THSD4: variants seen among roughly 807,000 people sequenced by gnomAD.
THSD4 encodes the protein thrombospondin type 1 domain containing 4, also known as thrombospondin type-1 domain-containing protein 4.
In THSD4, 69 loss-of-function variants were observed where a neutral mutation model predicts 119.0. That is an observed-to-expected ratio of 0.58 (90% confidence interval 0.48 to 0.71). The LOEUF is 0.71. Ranked by LOEUF, THSD4 falls within the 30% of genes least tolerant of loss-of-function variation. The pLI, the probability that THSD4 is intolerant of heterozygous loss-of-function variation, is 0.00. For missense variants in THSD4, 1,393 were observed against 1,391.1 expected (o/e 1.00, Z -0.02); for synonymous variants, 524 against 540.4 (o/e 0.97, Z 0.42).
chr15:71,402,326 T>A (rs1318882484), intron 6 of THSD4, among the ~76,000 whole-genome samples: 1 of 152,160 alleles, frequency 6.6e-6, no homozygotes, highest in Non-Finnish European at 1.5e-5. Flanking sequence ...CCTCTCAATA[T>A]AATTATTGTA....
intron 7 of THSD4, among the ~76,000 whole-genome samples, chr15:71,542,048 A>T (rs2048767232): frequency 6.6e-6 from 1 of 152,238 alleles, no homozygotes; most frequent in South Asian, 2.1e-4. Flanking sequence ...GGAGCAGAGG[A>T]GTAAAAATAA....
chr15:71,452,633 G>C (rs2047281864), intron 7 of THSD4, among the ~76,000 whole-genome samples: 1 of 151,332 alleles, frequency 6.6e-6, no homozygotes, highest in African/African-American at 2.4e-5. Flanking sequence ...ATATTTTTTT[G>C]AGACGGAGTT....
intron 7 of THSD4, among the ~76,000 whole-genome samples, chr15:71,427,763 T>C (rs1184454358): frequency 2.6e-5 from 4 of 151,784 alleles, no homozygotes; most frequent in South Asian, 2.1e-4. Context: ...GCTTCAGTAA[T>C]GGGAAACCCT....
At chr15:71,121,950 G>A (rs890555848) in intron 1 of THSD4, among the ~76,000 whole-genome samples, 4 of 152,228 alleles carry the variant, frequency 2.6e-5, no homozygotes, top group South Asian at 2.1e-4. Flanking sequence ...ACATGAGGCC[G>A]CTTGGGAATC....
At chr15:71,366,873 T>G (rs2045971893) in intron 6 of THSD4, among the ~76,000 whole-genome samples, 2 of 152,092 alleles carry the variant, frequency 1.3e-5, no homozygotes, top group Non-Finnish European at 2.9e-5. Flanking sequence ...AATCGAACCC[T>G]CTAATGGTCT....
intron 6 of THSD4, among the ~76,000 whole-genome samples, chr15:71,385,764 A>T (rs1422504044): frequency 6.6e-6 from 1 of 152,180 alleles, no homozygotes; most frequent in East Asian, 1.9e-4. Context: ...GCAAATATGG[A>T]GGCTTTCTCA....
At chr15:71,217,191 T>G (rs1418287629) in intron 4 of THSD4, among the ~76,000 whole-genome samples, 1 of 152,228 alleles carries the variant, frequency 6.6e-6, no homozygotes, top group Non-Finnish European at 1.5e-5. Context: ...TTTCACATGT[T>G]AATAGCATTT....
intron 15 of THSD4, among the ~76,000 whole-genome samples, chr15:71,759,445 G>A (rs752721959): frequency 3.3e-5 from 5 of 152,136 alleles, no homozygotes; most frequent in South Asian, 2.1e-4. Flanking sequence ...AGGTTGTTAC[G>A]AGGTTTTCAT....
At chr15:71,226,544 C>T (rs972342478) in intron 4 of THSD4, among the ~76,000 whole-genome samples, 1 of 152,214 alleles carries the variant, frequency 6.6e-6, no homozygotes, top group African/African-American at 2.4e-5. Flanking sequence ...TTTTCAGCTC[C>T]TCCTTTCCCA....
intron 6 of THSD4, among the ~76,000 whole-genome samples, chr15:71,349,843 C>G (rs901208916): frequency 6.6e-6 from 1 of 152,038 alleles, no homozygotes; most frequent in Non-Finnish European, 1.5e-5. Flanking sequence ...AACAGAGATT[C>G]AGTGTGGGCC....
At chr15:71,546,659 A>G (rs1450831581) in intron 7 of THSD4, among the ~76,000 whole-genome samples, 1 of 152,186 alleles carries the variant, frequency 6.6e-6, no homozygotes, top group Non-Finnish European at 1.5e-5. Context: ...TGACCCAGGG[A>G]TGCAGCAAGA....
At chr15:71,205,780 C>T (rs2043838719) in intron 3 of THSD4, among the ~76,000 whole-genome samples, 2 of 151,396 alleles carry the variant, frequency 1.3e-5, no homozygotes, top group South Asian at 2.1e-4. Flanking sequence ...GATAGTTGAT[C>T]AAGATGTAAC....
At chr15:71,382,745 T>TA (rs2046244358) in intron 6 of THSD4, among the ~76,000 whole-genome samples, 1 of 152,184 alleles carries the variant, frequency 6.6e-6, no homozygotes. Context: ...AGGGAGATGA[T>TA]ACCATTTTAT....
chr15:71,628,671 G>A (rs1050968612), intron 7 of THSD4, among the ~76,000 whole-genome samples: 1 of 152,178 alleles, frequency 6.6e-6, no homozygotes, highest in African/African-American at 2.4e-5. Flanking sequence ...GACACTTTGC[G>A]TAACAAGGGT....
At chr15:71,101,446 T>C (rs1422340873) in intron 1 of THSD4, among the ~76,000 whole-genome samples, 1 of 152,206 alleles carries the variant, frequency 6.6e-6, no homozygotes, top group Non-Finnish European at 1.5e-5. Flanking sequence ...TGTTACAATT[T>C]GTGCTTTCAC....
chr15:71,239,184 G>A (rs12912547), intron 4 of THSD4, among the ~76,000 whole-genome samples: 23,344 of 152,186 alleles, frequency 0.15, 2,618 homozygotes, highest in East Asian at 0.49. Flanking sequence ...CTATAACAAA[G>A]GTACTATTAT....
intron 10 of THSD4, among the ~76,000 whole-genome samples, chr15:71,734,535 C>T (rs149277630): frequency 2.0e-5 from 3 of 152,208 alleles, no homozygotes; most frequent in African/African-American, 2.4e-5. Context: ...GATTTCAGGG[C>T]GGTGAAACTA....
At chr15:71,193,433 G>C (rs1336386286) in intron 3 of THSD4, among the ~76,000 whole-genome samples, 23 of 152,092 alleles carry the variant, frequency 1.5e-4, no homozygotes. Flanking sequence ...GGTACCCTTG[G>C]GATAACTGTA....
In THSD4 at chr15:71,256,539, C is replaced by G. The variant is rs908075244; in HGVS notation, c.913-74C>G. 11 of 1,140,034 alleles carry G rather than the reference C, an allele frequency of 9.6e-6. No individual in the cohort carries two copies. The African/African-American group carries it at 1.3e-4, about 13-fold the overall frequency. 70.6% of individuals were successfully genotyped at this position (1,140,034 alleles called of 1,614,324 possible). On this transcript the variant is annotated intron_variant, in intron 5 of 17. Transcript: ENST00000261862. ...AAATAAATAAAGTTGGAAAGGTATC[C>G]AGGGTTTGGAAATGTATCCTGGAGC...
Sources: allele counts gnomAD v4.1 joint callset (sites outside exome capture counted in the v4.1 genomes callset), GRCh38; gene constraint gnomAD v4.1.1; transcripts MANE v1.5; gene names NCBI Gene and HGNC (gene_info 2026-07-23, HGNC 2026-07-21).